The following FMN1 variants were observed in gnomAD, a reference collection of about 807,000 sequenced individuals.
FMN1 encodes the protein formin-1.
FMN1 carries 110 observed loss-of-function variants against 132.4 expected under a neutral mutation model. The ratio of observed to expected loss-of-function variants is 0.83; its 90% confidence interval spans 0.71 to 0.97. FMN1 has a LOEUF of 0.97. Ranked by LOEUF, FMN1 falls within the 50% of genes least tolerant of loss-of-function variation. The pLI is 0.00. For synonymous variants in FMN1, 722 were observed against 651.7 expected, an observed-to-expected ratio of 1.11 and a Z score of -1.64; for missense variants, 1,792 against 1,705.3, an observed-to-expected ratio of 1.05 and a Z score of -0.90.
chr15:32,848,984 T>C (rs867386570), intron 17 of FMN1, among the ~76,000 whole-genome samples: 4,612 of 131,876 alleles, frequency 0.035, 232 homozygotes, highest in African/African-American at 0.12. Flanking sequence ...TTTGTTTTTT[T>C]TTTTTTTTTT....
At position 32,900,376 on chromosome 15, in the gene FMN1, T is replaced by C. The variant is rs145750489; in HGVS notation, c.3508-251A>G. The C allele has an allele frequency of 3.6e-3, 2,227 of 624,046 alleles. 28 individuals are homozygous for C. Among genetic ancestry groups the C allele is most frequent in the African/African-American group, 0.021 (1,150 of 54,886 alleles). 38.7% of individuals were successfully genotyped at this position (624,046 alleles called of 1,614,324 possible). A position where few individuals can be genotyped will look rare whatever the true frequency, so the allele number is the denominator to read the frequency against. On this transcript the variant is annotated intron_variant, in intron 13 of 20. Transcript: ENST00000616417. ...TGTTTTAATACATGAGGATTAACTATTGGTTTTATATTTTCATTTGAGCCA... is the reference window on the plus strand; with the variant it reads ...TGTTTTAATACATGAGGATTAACTACTGGTTTTATATTTTCATTTGAGCCA...
intron 5 of FMN1, among the ~76,000 whole-genome samples, chr15:33,081,475 C>T (rs2038456387): frequency 6.6e-6 from 1 of 152,030 alleles, no homozygotes; most frequent in African/African-American, 2.4e-5. Flanking sequence ...AATCTAGTGT[C>T]CCATATTAGT....
chr15:32,976,954 C>T (rs771375521), intron 7 of FMN1, among the ~76,000 whole-genome samples: 11 of 152,252 alleles, frequency 7.2e-5, no homozygotes, highest in Non-Finnish European at 1.2e-4. Flanking sequence ...TTCTGGGGGA[C>T]GTTAATCTGT....
rs935518766 is a variant in FMN1 at position 32,923,686 on chromosome 15, A to G, written c.3226+2488T>C. 5.3e-5 allele frequency among the ~76,000 whole-genome samples: 8 copies of G among 152,342 alleles called. No homozygotes were observed. In the South Asian group the frequency reaches 1.5e-3, roughly 28 times the overall value. On this transcript the variant is annotated intron_variant, in intron 10 of 20. Coordinates refer to ENST00000616417, the MANE Select transcript of FMN1 (RefSeq NM_001277313.2). ...TTGGAAAAGGTCTGGATCGACAAAT[A>G]TCTTTTCAAACTCACAGTAAACATT...
chr15:32,983,202 G>A (rs1019433079), intron 7 of FMN1, among the ~76,000 whole-genome samples: 2 of 152,180 alleles, frequency 1.3e-5, no homozygotes, highest in African/African-American at 4.8e-5. Flanking sequence ...ATTTCAGGTA[G>A]ATGCCAACAA....
intron 5 of FMN1, among the ~76,000 whole-genome samples, chr15:33,079,158 C>T (rs1016549044): frequency 2.0e-5 from 3 of 152,016 alleles, no homozygotes; most frequent in Non-Finnish European, 2.9e-5. Flanking sequence ...TCTGTATATA[C>T]CCTCAAAAGT....
intron 10 of FMN1, among the ~76,000 whole-genome samples, chr15:32,923,094 T>C (rs942213050): frequency 7.2e-5 from 11 of 152,248 alleles, no homozygotes; most frequent in African/African-American, 2.4e-4. Flanking sequence ...TTAATCCCTC[T>C]GGGCTTTGTG....
intron 17 of FMN1, among the ~76,000 whole-genome samples, chr15:32,831,607 A>G (rs555054656): frequency 2.2e-4 from 33 of 152,284 alleles, no homozygotes; most frequent in Admixed American, 3.3e-4. Flanking sequence ...GGAGGCAATC[A>G]TGAGACTCCC....
chr15:33,068,576 A>G (rs1026643398), intron 5 of FMN1, among the ~76,000 whole-genome samples: 1 of 152,114 alleles, frequency 6.6e-6, no homozygotes, highest in Non-Finnish European at 1.5e-5. Flanking sequence ...AAAGCAATAG[A>G]TCATCTCAAA....
intron 6 of FMN1, among the ~76,000 whole-genome samples, chr15:33,048,298 C>CTATGCT (rs951272667): frequency 1.3e-5 from 2 of 151,970 alleles, no homozygotes; most frequent in African/African-American, 4.8e-5. Context: ...TATCCCTTAG[C>CTATGCT]TATGCAAAGA....
intron 17 of FMN1, among the ~76,000 whole-genome samples, chr15:32,830,728 T>A (rs1468489094): frequency 6.6e-6 from 1 of 152,110 alleles, no homozygotes; most frequent in Non-Finnish European, 1.5e-5. Flanking sequence ...GAAACCTAAT[T>A]TTCCCAGGAG....
At chr15:33,024,179 A>G (rs2035555845) in intron 6 of FMN1, among the ~76,000 whole-genome samples, 1 of 149,616 alleles carries the variant, frequency 6.7e-6, no homozygotes, top group South Asian at 2.2e-4. Flanking sequence ...TCCTCAGGAC[A>G]GCGCAAATTA....
At chr15:33,000,572 A>G (rs994631600) in intron 7 of FMN1, among the ~76,000 whole-genome samples, 1 of 152,054 alleles carries the variant, frequency 6.6e-6, no homozygotes, top group East Asian at 1.9e-4. Context: ...CTCGTGCCCA[A>G]GAGTTCGAGA....
intron 10 of FMN1, among the ~76,000 whole-genome samples, chr15:32,920,500 G>A (rs1164221978): frequency 6.6e-6 from 1 of 152,122 alleles, no homozygotes; most frequent in African/African-American, 2.4e-5. Context: ...ACTATCTTGG[G>A]TAGAAATAAA....
chr15:33,130,985 G>A (rs1595544647), intron 4 of FMN1, among the ~76,000 whole-genome samples: 2 of 152,254 alleles, frequency 1.3e-5, no homozygotes, highest in East Asian at 3.9e-4. Context: ...CATAGAGTTG[G>A]TAGGAGAATC....
At chr15:32,859,879 ATTT>A (rs1232228946) in intron 16 of FMN1, among the ~76,000 whole-genome samples, 1 of 151,996 alleles carries the variant, frequency 6.6e-6, no homozygotes, top group African/African-American at 2.4e-5. Context: ...CTCAAAAAAA[ATTT>A]TTTAAGTTAT....
intron 3 of FMN1, among the ~76,000 whole-genome samples, chr15:33,179,805 G>A (rs889965302): frequency 6.6e-6 from 1 of 152,084 alleles, no homozygotes; most frequent in African/African-American, 2.4e-5. Context: ...ATAGTGCCTG[G>A]CACATAATGG....
chr15:32,878,878 A>G (rs1348002202), intron 16 of FMN1, among the ~76,000 whole-genome samples: 1 of 152,226 alleles, frequency 6.6e-6, no homozygotes, highest in Non-Finnish European at 1.5e-5. Flanking sequence ...TTTTTATAAA[A>G]TAGAGGGTAG....
intron 4 of FMN1, among the ~76,000 whole-genome samples, chr15:33,114,192 T>C (rs890561807): frequency 6.6e-5 from 10 of 152,200 alleles, no homozygotes; most frequent in African/African-American, 1.2e-4. Flanking sequence ...TGCTGCAAGA[T>C]TGGACAGGAG....
Sources: allele counts gnomAD v4.1 joint callset (sites outside exome capture counted in the v4.1 genomes callset), GRCh38; gene constraint gnomAD v4.1.1; transcripts MANE v1.5; gene names NCBI Gene and HGNC (gene_info 2026-07-23, HGNC 2026-07-21).